PAN3: variants seen among roughly 807,000 people sequenced by gnomAD.
PAN3 encodes poly(A) specific ribonuclease subunit PAN3.
Under a neutral mutation model 96.2 loss-of-function variants are expected in PAN3, and 19 were observed. The ratio of observed to expected loss-of-function variants is 0.20; its 90% CI spans 0.14 to 0.29. The LOEUF (loss-of-function observed/expected upper bound fraction) is 0.29. Among genes scored for constraint, PAN3 ranks in the 10% least tolerant of loss-of-function variants. The pLI, the probability that PAN3 is intolerant of heterozygous loss-of-function variation, is 1.00. For missense variants in PAN3, 882 were observed against 1,108.1 expected (o/e 0.80, Z 2.90); for synonymous variants, 433 against 406.6 (o/e 1.06, Z -0.78).
intron 14 of PAN3, among the ~76,000 whole-genome samples, chr13:28,274,593 T>G (rs1886910358): frequency 6.6e-6 from 1 of 151,902 alleles, no homozygotes; most frequent in Non-Finnish European, 1.5e-5. Flanking sequence ...AAAACAAAAC[T>G]TTTCATAAGA....
chr13:28,152,924 A>G (rs553603694), intron 1 of PAN3, among the ~76,000 whole-genome samples: 76 of 152,172 alleles, frequency 5.0e-4, no homozygotes, highest in African/African-American at 1.6e-3. Flanking sequence ...TATGGGGGGG[A>G]AAAGACACTC....
At chr13:28,180,383 G>A (rs1378280011) in intron 4 of PAN3, among the ~76,000 whole-genome samples, 4 of 152,106 alleles carry the variant, frequency 2.6e-5, no homozygotes, top group African/African-American at 9.7e-5. Context: ...GAATCTTTGT[G>A]GGTACAGGTT....
chr13:28,292,049 A>G (rs553669253), intron 18 of PAN3, among the ~76,000 whole-genome samples: 2 of 152,304 alleles, frequency 1.3e-5, no homozygotes, highest in South Asian at 2.1e-4. Flanking sequence ...CACAGAAGAA[A>G]AAAATTAAGT....
rs28496979 is a variant in PAN3 at position 28,165,313 on chromosome 13, G to A, written c.431-8959G>A. Among the ~76,000 whole-genome samples the A allele has an allele frequency of 8.2e-3, 1,211 of 148,348 alleles. 9 individuals are homozygous for A. The highest frequency in any genetic ancestry group is 0.014 in the Non-Finnish European group (949 of 67,194). ...TTTTTTTTTTTTTGTAGAGATGGGG[G>A]TCTTGCTATGTTGCTCAGGGTGGTC... is the stretch of plus-strand genomic sequence containing the variant. On this transcript the variant is annotated intron_variant, in intron 1 of 18. Transcript: ENST00000380958.
At chr13:28,260,318 C>G in intron 7 of PAN3, 129 bp from the exon 8 acceptor site, 2 of 594,942 alleles carry the variant, frequency 3.4e-6, no homozygotes, top group Non-Finnish European at 6.0e-6. Context: ...CACTTGAACC[C>G]GGGAGGCAGA....
At chr13:28,147,601 G>A (rs1461457840) in intron 1 of PAN3, among the ~76,000 whole-genome samples, 1 of 152,156 alleles carries the variant, frequency 6.6e-6, no homozygotes, top group Non-Finnish European at 1.5e-5. Flanking sequence ...TCCTAATTGA[G>A]TGGTTCACTG....
At chr13:28,189,673 T>G (rs778239840) in intron 4 of PAN3, among the ~76,000 whole-genome samples, 5 of 152,194 alleles carry the variant, frequency 3.3e-5, no homozygotes, top group Non-Finnish European at 7.3e-5. Flanking sequence ...TCACTAGTTA[T>G]TTCTTCTCCA....
rs151124174 is a variant in PAN3, at chr13:28,149,377, A to G, written c.430+10290A>G. On this transcript the variant is annotated intron_variant, in intron 1 of 18. Coordinates refer to ENST00000380958, the MANE Select transcript of PAN3 (RefSeq NM_175854.8). ...AAAAAAGAAAAAAGAAACTCACTGT[A>G]TTTATATACCATTGGTTGAAAATAA... Among the ~76,000 whole-genome samples, 84 of 152,280 alleles carry G rather than the reference A, an allele frequency of 5.5e-4. No homozygotes were observed. The East Asian group carries it at 0.014, about 26-fold the overall frequency.
At chr13:28,193,551 G>C (rs573957472) in intron 4 of PAN3, among the ~76,000 whole-genome samples, 9 of 151,812 alleles carry the variant, frequency 5.9e-5, no homozygotes, top group African/African-American at 2.2e-4. Flanking sequence ...AGACCAGCTT[G>C]GGCAACATGG....
intron 6 of PAN3, among the ~76,000 whole-genome samples, chr13:28,231,541 T>C (rs1882561423): frequency 6.6e-6 from 1 of 152,232 alleles, no homozygotes; most frequent in Non-Finnish European, 1.5e-5. Context: ...GTCTTAAGTA[T>C]CTATCATAGA....
intron 6 of PAN3, among the ~76,000 whole-genome samples, chr13:28,247,583 C>T (rs913643568): frequency 2.0e-5 from 3 of 151,932 alleles, no homozygotes; most frequent in Admixed American, 6.6e-5. Context: ...GTCTTTAATC[C>T]ACTTTGATTT....
At chr13:28,260,897 T>C (rs1408211495) in intron 8 of PAN3, among the ~76,000 whole-genome samples, 1 of 152,244 alleles carries the variant, frequency 6.6e-6, no homozygotes, top group African/African-American at 2.4e-5. Context: ...ATAAGTAGTT[T>C]GGCTCAGGAA....
chr13:28,153,321 A>C (rs1871645324), intron 1 of PAN3, among the ~76,000 whole-genome samples: 1 of 137,660 alleles, frequency 7.3e-6, no homozygotes. Flanking sequence ...CTGTAACCTC[A>C]GCATCCTGGG....
intron 1 of PAN3, among the ~76,000 whole-genome samples, chr13:28,170,210 A>AAT (rs1253730146): frequency 1.3e-5 from 2 of 152,148 alleles, no homozygotes; most frequent in Admixed American, 1.3e-4. Flanking sequence ...ATCTGAAAGG[A>AAT]ATATATATAC....
chr13:28,191,175 A>G (rs1877211151), intron 4 of PAN3, among the ~76,000 whole-genome samples: 1 of 152,190 alleles, frequency 6.6e-6, no homozygotes, highest in African/African-American at 2.4e-5. Context: ...AACTTTAGTA[A>G]ATAAATATTT....
intron 7 of PAN3, among the ~76,000 whole-genome samples, chr13:28,257,572 C>T (rs1301785776): frequency 6.6e-6 from 1 of 150,470 alleles, no homozygotes; most frequent in Non-Finnish European, 1.5e-5. Flanking sequence ...TGAGCTCCTC[C>T]TCCTGTCAGA....
chr13:28,169,602 A>G (rs996028143), intron 1 of PAN3, among the ~76,000 whole-genome samples: 3 of 152,048 alleles, frequency 2.0e-5, no homozygotes, highest in Non-Finnish European at 4.4e-5. Context: ...AAAAAAATTA[A>G]TATATTTATG....
rs1435729532 is a variant in PAN3 at position 28,174,160 on chromosome 13, AAAT to A, written c.431-109_431-107del. On this transcript the variant is annotated intron_variant, in intron 1 of 18. Coordinates refer to ENST00000380958, the MANE Select transcript of PAN3 (RefSeq NM_175854.8). ...TTACCTGTTATGAACTGGTAAATAA[AAAT>A]AAGTGTGACAGATTTGAGACTTTAC... 5.1e-6 allele frequency: 6 copies of A among 1,185,952 alleles called. No individual in the cohort carries two copies. The African/African-American group carries it at 7.8e-5, about 15-fold the overall frequency. The allele number at this position is 1,185,952 out of a possible 1,614,324, so 73.5% of individuals were successfully genotyped here.
chr13:28,236,184 A>C (rs1883091044), intron 6 of PAN3, among the ~76,000 whole-genome samples: 1 of 152,154 alleles, frequency 6.6e-6, no homozygotes, highest in African/African-American at 2.4e-5. Context: ...GTAGAATGTG[A>C]ACTGTGTGAG....
Sources: allele counts gnomAD v4.1 joint callset (sites outside exome capture counted in the v4.1 genomes callset), GRCh38; gene constraint gnomAD v4.1.1; transcripts MANE v1.5; gene names NCBI Gene and HGNC (gene_info 2026-07-23, HGNC 2026-07-21).